Variants in PCDHA2 observed in about 807,000 individuals in gnomAD.
PCDHA2 encodes the protein protocadherin alpha 2, also known as protocadherin alpha-2.
Under a neutral mutation model 66.0 loss-of-function variants are expected in PCDHA2, and 58 were observed. The ratio of observed to expected loss-of-function variants is 0.88; its 90% CI spans 0.71 to 1.09. PCDHA2 has a LOEUF of 1.09. Ranked by LOEUF, PCDHA2 falls within the 50% of genes least tolerant of loss-of-function variation. PCDHA2 has a pLI of 0.00. For missense variants in PCDHA2, 1,267 were observed against 1,242.3 expected, an observed-to-expected ratio of 1.02 and a Z score of -0.30; for synonymous variants, 634 against 554.0, an observed-to-expected ratio of 1.14 and a Z score of -2.03.
chr5:140,822,636 T>A, intron 1 of PCDHA2: 1 of 1,610,778 alleles, frequency 6.2e-7, no homozygotes, highest in Non-Finnish European at 8.5e-7. Context: ...TTCTTGACGA[T>A]GTAAAGTCCA....
intron 1 of PCDHA2, chr5:140,843,081 C>T (rs2150352051): frequency 1.3e-6 from 2 of 1,595,422 alleles, no homozygotes; most frequent in Admixed American, 1.7e-5. Flanking sequence ...TCTGTGGGCG[C>T]GGGCCACGTG....
intron 3 of PCDHA2, among the ~76,000 whole-genome samples, chr5:140,986,019 G>T (rs562523452): frequency 1.3e-5 from 2 of 152,036 alleles, no homozygotes; most frequent in African/African-American, 2.4e-5. Flanking sequence ...GATTACAGGC[G>T]TGAGCCACTG....
rs2094433165 is a variant in PCDHA2, at chr5:140,949,923, G to T, written c.2389-29026G>T. Among the ~76,000 whole-genome samples the T allele has an allele frequency of 2.7e-5, 4 of 150,516 alleles. No homozygotes were observed. In the South Asian group the frequency reaches 8.3e-4, roughly 31 times the overall value. On this transcript the variant is annotated intron_variant, in intron 1 of 3. Coordinates refer to ENST00000526136, the MANE Select transcript of PCDHA2 (RefSeq NM_018905.3). Reference sequence around the variant, plus strand: ...TAATTTTTAGATATAACTATTTTTAGATTTTTTTTAATTTGCATTTTTTAG... The same window carrying T: ...TAATTTTTAGATATAACTATTTTTATATTTTTTTTAATTTGCATTTTTTAG...
intron 1 of PCDHA2, chr5:140,882,928 C>T: frequency 6.2e-7 from 1 of 1,614,140 alleles, no homozygotes; most frequent in Non-Finnish European, 8.5e-7. Context: ...GAGGTAAACC[C>T]GAGCTGACTG....
intron 1 of PCDHA2, among the ~76,000 whole-genome samples, chr5:140,912,063 A>C (rs1458411803): frequency 6.6e-6 from 1 of 152,214 alleles, no homozygotes; most frequent in Non-Finnish European, 1.5e-5. Context: ...CTTGGAGTCC[A>C]ATGTTCAAGG....
Position 140,838,095 on chromosome 5 carries a change from T to TA in PCDHA2, c.2388+40743_2388+40744insA, listed in dbSNP as rs1554136885. On this transcript the variant is annotated intron_variant, in intron 1 of 3. Transcript: ENST00000526136. ...TATATATAGTGTGTGTGTGTGTGTG[T>TA]GTGTGTGTGTGTGTGTGTGTGTGTG... 2.7e-5 allele frequency among the ~76,000 whole-genome samples: 4 copies of TA among 145,996 alleles called. 1 individual carries two copies. The highest frequency in any genetic ancestry group is 1.0e-4 in the African/African-American group (4 of 39,008).
At chr5:140,839,582 G>T (rs965029185) in intron 1 of PCDHA2, among the ~76,000 whole-genome samples, 1 of 151,908 alleles carries the variant, frequency 6.6e-6, no homozygotes, top group Non-Finnish European at 1.5e-5. Context: ...TAGAGATGGG[G>T]TCTTACCATG....
At chr5:140,938,885 A>C (rs966791166) in intron 1 of PCDHA2, among the ~76,000 whole-genome samples, 9 of 152,144 alleles carry the variant, frequency 5.9e-5, no homozygotes, top group Non-Finnish European at 1.2e-4. Flanking sequence ...CAACACACAC[A>C]CACACAGATG....
chr5:140,807,934 G>A, intron 1 of PCDHA2: 1 of 1,614,090 alleles, frequency 6.2e-7, no homozygotes, highest in Non-Finnish European at 8.5e-7. Context: ...TTTATAAGGT[G>A]AGATTACTAG....
chr5:140,950,323 A>G (rs1400315467), intron 1 of PCDHA2, among the ~76,000 whole-genome samples: 1 of 152,046 alleles, frequency 6.6e-6, no homozygotes, highest in Non-Finnish European at 1.5e-5. Context: ...TAATGCATAT[A>G]TGCTGCAGTG....
At chr5:140,897,240 A>T (rs1475170855) in intron 1 of PCDHA2, among the ~76,000 whole-genome samples, 5 of 151,908 alleles carry the variant, frequency 3.3e-5, no homozygotes, top group Non-Finnish European at 5.9e-5. Flanking sequence ...TGTGCAGGTT[A>T]GTTACATATG....
intron 3 of PCDHA2, among the ~76,000 whole-genome samples, chr5:140,986,524 G>C (rs2097203903): frequency 6.6e-6 from 1 of 152,198 alleles, no homozygotes; most frequent in South Asian, 2.1e-4. Flanking sequence ...GCCTGTGAGG[G>C]AACTGGCCTG....
chr5:140,803,919 GT>G (rs1376004851), intron 1 of PCDHA2: 4 of 488,620 alleles, frequency 8.2e-6, no homozygotes, highest in African/African-American at 2.0e-5. Flanking sequence ...ACTTCGACTT[GT>G]TTTATACTTA....
intron 1 of PCDHA2, chr5:140,867,813 C>A (rs1189080463): frequency 6.6e-6 from 1 of 152,032 alleles, no homozygotes; most frequent in African/African-American, 2.4e-5. Flanking sequence ...TATGAAATTC[C>A]ATTTCCACAA....
chr5:140,829,433 A>C (rs2150167809), intron 1 of PCDHA2: 1 of 1,614,022 alleles, frequency 6.2e-7, no homozygotes, highest in Non-Finnish European at 8.5e-7. Context: ...GGTGGCCGAC[A>C]TGAATGACAA....
At chr5:140,804,975 C>T in intron 1 of PCDHA2, 1 of 1,485,256 alleles carries the variant, frequency 6.7e-7, no homozygotes, top group Non-Finnish European at 9.0e-7. Context: ...ATAGTGTGTC[C>T]ATCTCAGGTC....
chr5:140,857,895 G>A lies in PCDHA2; in HGVS notation c.2388+60543G>A, dbSNP rs373881159. Reference sequence around the variant, plus strand: ...TATGAATTGCAGTCGGCGGCGGTTGGTGCACGCATCCCGTTTCGCGTGGGG... The same window carrying A: ...TATGAATTGCAGTCGGCGGCGGTTGATGCACGCATCCCGTTTCGCGTGGGG... On this transcript the variant is annotated intron_variant, in intron 1 of 3. Transcript: ENST00000526136. The A allele has an allele frequency of 3.9e-5, 62 of 1,597,752 alleles. 5 individuals carry two copies. Among genetic ancestry groups the A allele is most frequent in the Non-Finnish European group, 5.1e-5 (59 of 1,167,572 alleles).
intron 1 of PCDHA2, among the ~76,000 whole-genome samples, chr5:140,885,718 C>T (rs2060696401): frequency 6.6e-6 from 1 of 152,124 alleles, no homozygotes; most frequent in South Asian, 2.1e-4. Flanking sequence ...CTAATGTGAT[C>T]TCTGTGAAAT....
chr5:140,818,409 C>T (rs1766349946), intron 1 of PCDHA2, among the ~76,000 whole-genome samples: 1 of 152,056 alleles, frequency 6.6e-6, no homozygotes, highest in Non-Finnish European at 1.5e-5. Flanking sequence ...TTTTATTTTC[C>T]TTTTTAAAAA....
Sources: gnomAD v4.1 joint callset for allele counts (sites outside exome capture counted in the v4.1 genomes callset) on GRCh38, gnomAD v4.1.1 for gene constraint, MANE v1.5 for transcripts, NCBI Gene and HGNC (gene_info 2026-07-23, HGNC 2026-07-21) for gene names.